ESR1: variants seen among roughly 807,000 people sequenced by gnomAD.
ESR1 encodes estrogen receptor 1.
In ESR1, 12 loss-of-function variants were observed where a neutral mutation model predicts 52.7. That is an observed-to-expected ratio of 0.23 (90% CI 0.15 to 0.37). The LOEUF (loss-of-function observed/expected upper bound fraction) is 0.37. Among genes scored for constraint, ESR1 ranks in the 10% least tolerant of loss-of-function variants. ESR1 has a pLI of 1.00. For missense variants in ESR1, 584 were observed against 779.7 expected (o/e 0.75, Z 2.99); for synonymous variants, 305 against 316.8 (o/e 0.96, Z 0.39).
At chr6:152,092,745 T>C (rs1233346397) in intron 6 of ESR1, among the ~76,000 whole-genome samples, 1 of 152,182 alleles carries the variant, frequency 6.6e-6, no homozygotes, top group Non-Finnish European at 1.5e-5. Context: ...AAATGCATCC[T>C]TGTAGTCCCA....
In ESR1 at chr6:152,053,526, ATCTCTCTCTTCC is replaced by A. The variant is rs1474942304; in HGVS notation, c.1236-7454_1236-7443del. ...TCCCATTCTCTTTCTCTTTCTCTCA[ATCTCTCTCTTCC>A]TCTCTCTCTTATCCTCTCTTTCTCT... On this transcript the variant is annotated intron_variant, in intron 5 of 7. Transcript: ENST00000206249. This position sits in a 1 kb window ranked among gnomAD's most constrained non-coding sequence, Gnocchi z 4.1. Among the ~76,000 whole-genome samples the A allele has an allele frequency of 7.2e-6, 1 of 138,044 alleles. No homozygotes were observed. The highest frequency in any genetic ancestry group is 1.6e-5 in the Non-Finnish European group (1 of 63,204). The allele number at this position is 138,044 out of a possible 152,430, so 90.6% of individuals were successfully genotyped here. A position where few individuals can be genotyped will look rare whatever the true frequency, so the allele number is the denominator to read the frequency against.
intron 1 of ESR1, among the ~76,000 whole-genome samples, chr6:151,699,012 A>G (rs533643000): frequency 6.6e-6 from 1 of 152,236 alleles, no homozygotes; most frequent in Non-Finnish European, 1.5e-5. Context: ...CAGAAAGCAA[A>G]GGTCTCCTGC....
intron 1 of ESR1, among the ~76,000 whole-genome samples, chr6:151,679,768 G>A (rs1778385768): frequency 6.6e-6 from 1 of 152,120 alleles, no homozygotes; most frequent in South Asian, 2.1e-4. Flanking sequence ...TCCTTTTTGT[G>A]ACTGCAGCTG....
At chr6:151,954,774 G>C (rs2036714363) in intron 4 of ESR1, among the ~76,000 whole-genome samples, 1 of 152,182 alleles carries the variant, frequency 6.6e-6, no homozygotes, top group Non-Finnish European at 1.5e-5. Flanking sequence ...AGTTCTATCT[G>C]TCAGTGTTTT....
chr6:151,960,480 G>A (rs3020398), intron 4 of ESR1, among the ~76,000 whole-genome samples: 85,172 of 152,006 alleles, frequency 0.56, 25,593 homozygotes, highest in Middle Eastern at 0.73. Context: ...TGTGGAGGGA[G>A]CAGCATTCCA....
At chr6:151,863,541 G>T (rs1252618153) in intron 2 of ESR1, among the ~76,000 whole-genome samples, 4 of 152,094 alleles carry the variant, frequency 2.6e-5, no homozygotes, top group Non-Finnish European at 5.9e-5. Flanking sequence ...AGGAGATTTT[G>T]GGCTGAGACG....
chr6:151,879,406 G>T (rs1792400901), intron 2 of ESR1, among the ~76,000 whole-genome samples: 2 of 152,160 alleles, frequency 1.3e-5, no homozygotes, highest in African/African-American at 4.8e-5. Context: ...GAGAGGTGAA[G>T]AAAAGGAGAT....
intron 1 of ESR1, among the ~76,000 whole-genome samples, chr6:151,816,907 T>A (rs1205974199): frequency 6.6e-6 from 1 of 151,836 alleles, no homozygotes; most frequent in Non-Finnish European, 1.5e-5. Context: ...ACAAAGGCAC[T>A]CCAAATCAGT....
chr6:151,992,060 A>T (rs1376199195), intron 4 of ESR1, among the ~76,000 whole-genome samples: 1 of 152,092 alleles, frequency 6.6e-6, no homozygotes, highest in Non-Finnish European at 1.5e-5. Context: ...TTTTGATTTA[A>T]GGTTTTCTGC....
intron 6 of ESR1, among the ~76,000 whole-genome samples, chr6:152,110,068 T>C (rs953028587): frequency 1.3e-5 from 2 of 152,236 alleles, no homozygotes; most frequent in Non-Finnish European, 2.9e-5. Flanking sequence ...AATTATTATA[T>C]TTTACAGATG....
intron 2 of ESR1, among the ~76,000 whole-genome samples, chr6:151,851,339 T>C (rs997094831): frequency 2.6e-5 from 4 of 152,156 alleles, no homozygotes; most frequent in African/African-American, 4.8e-5. Context: ...TTTATTCCAT[T>C]GTATTGCATA....
intron 1 of ESR1, among the ~76,000 whole-genome samples, chr6:151,664,840 G>T (rs575443559): frequency 1.3e-5 from 2 of 152,158 alleles, no homozygotes; most frequent in Non-Finnish European, 2.9e-5. Context: ...ACCTCTAAAA[G>T]AACTTGTTCT....
intron 1 of ESR1, among the ~76,000 whole-genome samples, chr6:151,664,581 G>A (rs376446748): frequency 3.3e-5 from 5 of 152,240 alleles, no homozygotes; most frequent in East Asian, 3.9e-4. Context: ...ATCTGATAAA[G>A]GTCAACGATT....
chr6:151,695,839 TA>T (rs1779294242), intron 1 of ESR1, among the ~76,000 whole-genome samples: 1 of 152,210 alleles, frequency 6.6e-6, no homozygotes, highest in African/African-American at 2.4e-5. Context: ...TCACATATAG[TA>T]ATCCGTTTTA....
rs566986796 is a variant in ESR1, at chr6:151,829,809, G to T, written c.453-12788G>T. On this transcript the variant is annotated intron_variant, in intron 1 of 7. Transcript: ENST00000206249. The stretch of plus-strand genomic sequence containing the variant: ...AGAGGGGTTCGGTGACTTGTTTAAG[G>T]CATGTAATTGTTATTGGCAGCTTTC... Among the ~76,000 whole-genome samples, 27 of 152,274 alleles carry T rather than the reference G, an allele frequency of 1.8e-4. 1 individual carries two copies. The highest frequency in any genetic ancestry group is 5.5e-4 in the African/African-American group (23 of 41,558).
chr6:152,047,956 ATTTTTTTTTTTTTTT>A (rs71017517), intron 5 of ESR1, among the ~76,000 whole-genome samples: 3 of 67,776 alleles, frequency 4.4e-5, no homozygotes, highest in South Asian at 1.1e-3. Context: ...CTCCTCAAGC[ATTTTTTTTTTTTTTT>A]TTTTTTTTTT....
At chr6:152,043,616 G>T (rs1294915738) in intron 5 of ESR1, among the ~76,000 whole-genome samples, 2 of 152,190 alleles carry the variant, frequency 1.3e-5, no homozygotes, top group African/African-American at 4.8e-5. Context: ...GGAGGTCATC[G>T]CTGATGCCTT....
chr6:151,841,374 CCTGT>C (rs1784257194), intron 1 of ESR1, among the ~76,000 whole-genome samples: 1 of 152,168 alleles, frequency 6.6e-6, no homozygotes, highest in Admixed American at 6.5e-5. Context: ...TGTGCCTGTA[CCTGT>C]CTAAGGAAAC....
chr6:152,041,148 C>T (rs951924226), intron 5 of ESR1, among the ~76,000 whole-genome samples: 23 of 152,164 alleles, frequency 1.5e-4, no homozygotes, highest in African/African-American at 4.8e-4. Context: ...CAGGGCCTTG[C>T]TCCAAATTCC....
Sources: allele counts gnomAD v4.1 joint callset (sites outside exome capture counted in the v4.1 genomes callset), GRCh38; gene constraint gnomAD v4.1.1; non-coding constraint Gnocchi (gnomAD v3.1); transcripts MANE v1.5; gene names NCBI Gene and HGNC (gene_info 2026-07-23, HGNC 2026-07-21).